Variants in DNAJC11 observed in about 807,000 individuals in gnomAD.
DNAJC11 encodes dnaJ homolog subfamily C member 11.
DNAJC11 carries 15 observed loss-of-function variants against 78.6 expected under a neutral mutation model. The ratio of observed to expected loss-of-function variants is 0.19; its 90% CI spans 0.13 to 0.29. DNAJC11 has a LOEUF of 0.29. Among genes scored for constraint, DNAJC11 ranks in the 10% least tolerant of loss-of-function variants. The probability of loss-of-function intolerance (pLI) is 1.00; values close to 1 mark genes in which losing one functional copy is unlikely to be tolerated. For synonymous variants in DNAJC11, 292 were observed against 272.1 expected (o/e 1.07, Z -0.72); for missense variants, 547 against 709.6 (o/e 0.77, Z 2.60).
rs756109797 is a variant in DNAJC11 at position 6,652,967 on chromosome 1, G to T, written c.508-16C>A. The T allele has an allele frequency of 6.2e-7, 1 of 1,613,914 alleles. No homozygotes were observed. The highest frequency in any genetic ancestry group is 8.5e-7 in the Non-Finnish European group (1 of 1,179,914). On this transcript the variant is annotated splice_polypyrimidine_tract_variant and intron_variant, in intron 5 of 15. Transcript: ENST00000377577. Reference sequence around the variant, plus strand: ...TCAAGGGTGCCTAAAAATGGTATTTGCTGGTAATGAATGAATCAAAACAAC... The same window carrying T: ...TCAAGGGTGCCTAAAAATGGTATTTTCTGGTAATGAATGAATCAAAACAAC...
At chr1:6,697,671 C>G (rs992101310) in intron 1 of DNAJC11, among the ~76,000 whole-genome samples, 58 of 152,266 alleles carry the variant, frequency 3.8e-4, no homozygotes, top group African/African-American at 1.4e-3. Context: ...TGGTCCATGG[C>G]CAGGGGGTTG....
At chr1:6,682,097 G>A (rs533709495) in intron 1 of DNAJC11, among the ~76,000 whole-genome samples, 1 of 143,898 alleles carries the variant, frequency 6.9e-6, no homozygotes, top group South Asian at 2.2e-4. Context: ...TAGGATGAGG[G>A]CCTGGAACAC....
intron 10 of DNAJC11, among the ~76,000 whole-genome samples, chr1:6,643,835 A>G (rs1157575361): frequency 1.3e-5 from 2 of 152,068 alleles, no homozygotes; most frequent in Non-Finnish European, 2.9e-5. Context: ...GGAACTATGC[A>G]CTGCTTGACA....
chr1:6,685,227 G>A (rs995741366), intron 1 of DNAJC11, among the ~76,000 whole-genome samples: 3 of 152,234 alleles, frequency 2.0e-5, no homozygotes, highest in African/African-American at 7.2e-5. Flanking sequence ...GGTTAGGCTA[G>A]GCTAGATCAG....
At chr1:6,690,725 C>T (rs1642731802) in intron 1 of DNAJC11, among the ~76,000 whole-genome samples, 1 of 152,094 alleles carries the variant, frequency 6.6e-6, no homozygotes, top group Admixed American at 6.6e-5. Context: ...GAGATCGAGA[C>T]CATCCTGGCT....
intron 4 of DNAJC11, among the ~76,000 whole-genome samples, chr1:6,665,732 TG>T (rs2148739861): frequency 6.6e-6 from 1 of 152,280 alleles, no homozygotes; most frequent in South Asian, 2.1e-4. Context: ...GATTTGATCA[TG>T]GGACACGGAT....
chr1:6,693,680 C>G (rs1319851461), intron 1 of DNAJC11, among the ~76,000 whole-genome samples: 1 of 151,998 alleles, frequency 6.6e-6, no homozygotes, highest in Admixed American at 6.6e-5. Flanking sequence ...CCACGCCCAG[C>G]CTTTTATTTA....
chr1:6,699,225 G>T (rs1043802728), intron 1 of DNAJC11, among the ~76,000 whole-genome samples: 3 of 151,910 alleles, frequency 2.0e-5, no homozygotes, highest in African/African-American at 7.3e-5. Context: ...TGAGCCCGGG[G>T]AAGTCAAGGT....
chr1:6,699,290 C>G (rs190980735), intron 1 of DNAJC11, among the ~76,000 whole-genome samples: 42 of 152,282 alleles, frequency 2.8e-4, no homozygotes, highest in Non-Finnish European at 5.0e-4. Context: ...GAGTGAGACC[C>G]TGTCTCTAAA....
In DNAJC11 at chr1:6,683,946, T is replaced by C. The variant is rs1482442609; in HGVS notation, c.73-2909A>G. ...TTAAATGCATTTCTTGCTACACTTA[T>C]CAATATACCACCTATACCAAACCCT... On this transcript the variant is annotated intron_variant, in intron 1 of 15. Coordinates refer to ENST00000377577, the MANE Select transcript of DNAJC11 (RefSeq NM_018198.4). 3.3e-5 allele frequency among the ~76,000 whole-genome samples: 5 copies of C among 152,234 alleles called. No homozygotes were observed. In the East Asian group the frequency reaches 9.6e-4, roughly 29 times the overall value.
chr1:6,674,667 G>GCAGTAAGCCACGATCGTGC (rs1553129907), intron 3 of DNAJC11, among the ~76,000 whole-genome samples: 1 of 152,038 alleles, frequency 6.6e-6, no homozygotes, highest in Non-Finnish European at 1.5e-5. Context: ...GATCGAGACT[G>GCAGTAAGCCACGATCGTGC]CAGTAAGCCA....
At chr1:6,635,765 T>C in intron 15 of DNAJC11, 65 bp from the exon 16 acceptor site, 1 of 1,594,888 alleles carries the variant, frequency 6.3e-7, no homozygotes, top group South Asian at 1.1e-5. Context: ...TTTCTACTGA[T>C]GGGGCTCAGC....
intron 4 of DNAJC11, among the ~76,000 whole-genome samples, chr1:6,657,099 T>A (rs1642137993): frequency 6.6e-6 from 1 of 152,076 alleles, no homozygotes; most frequent in Non-Finnish European, 1.5e-5. Context: ...CAGAGCCCTC[T>A]CCTTGATCCT....
chr1:6,656,100 TAAA>T (rs749444041), intron 4 of DNAJC11, among the ~76,000 whole-genome samples: 7 of 88,884 alleles, frequency 7.9e-5, no homozygotes, highest in Non-Finnish European at 1.5e-4. Context: ...AGACTCCGTC[TAAA>T]AAAAAAAAAA....
intron 1 of DNAJC11, among the ~76,000 whole-genome samples, chr1:6,700,930 T>A (rs1387765970): frequency 6.6e-6 from 1 of 152,102 alleles, no homozygotes; most frequent in East Asian, 1.9e-4. Flanking sequence ...TTCACACCTA[T>A]CTCAACTCCA....
At chr1:6,697,551 TGCTTGCTTGCCCGATGCTAACC>T (rs1419075355) in intron 1 of DNAJC11, among the ~76,000 whole-genome samples, 277 of 152,270 alleles carry the variant, frequency 1.8e-3, no homozygotes, top group African/African-American at 6.2e-3. Flanking sequence ...CAGGCGGTGA[TGCTTGCTTGCCCGATGCTAACC>T]GCTTGCTTGC....
rs190523372 is a variant in DNAJC11 at position 6,670,240 on chromosome 1, A to G, written c.277-2430T>C. Among the ~76,000 whole-genome samples, 1,207 of 152,254 alleles carry G rather than the reference A, an allele frequency of 7.9e-3. 11 individuals carry two copies. Among genetic ancestry groups the G allele is most frequent in the Middle Eastern group, 0.02 (6 of 294 alleles). ...TTTTTTAAAATACAAGCTTATAGCA[A>G]AAAATCAATAGAACAGAAGGATAGG... On this transcript the variant is annotated intron_variant, in intron 3 of 15. Coordinates refer to ENST00000377577, the MANE Select transcript of DNAJC11 (RefSeq NM_018198.4).
chr1:6,649,903 G>A (rs1046057808), intron 7 of DNAJC11, among the ~76,000 whole-genome samples: 1 of 151,548 alleles, frequency 6.6e-6, no homozygotes, highest in Non-Finnish European at 1.5e-5. Flanking sequence ...AGGGGGTTTC[G>A]CCATGTTGGC....
intron 12 of DNAJC11, 59 bp downstream of exon 12, chr1:6,638,236 G>T: frequency 6.5e-7 from 1 of 1,541,220 alleles, no homozygotes; most frequent in Non-Finnish European, 8.9e-7. Context: ...AGACCAACAT[G>T]TGGGGTGTGG....
Sources: allele counts gnomAD v4.1 joint callset (sites outside exome capture counted in the v4.1 genomes callset), GRCh38; gene constraint gnomAD v4.1.1; transcripts MANE v1.5; gene names NCBI Gene and HGNC (gene_info 2026-07-23, HGNC 2026-07-21).